Variants in CRYBG3 observed in about 807,000 individuals in gnomAD.
The protein encoded by CRYBG3 is very large A-kinase anchor protein.
Under a neutral mutation model 244.2 loss-of-function variants are expected in CRYBG3, and 127 were observed. The ratio of observed to expected loss-of-function variants is 0.52; its 90% CI spans 0.45 to 0.60. The LOEUF (loss-of-function observed/expected upper bound fraction) is 0.60. Ranked by LOEUF, CRYBG3 falls within the 20% of genes least tolerant of loss-of-function variation. The pLI, the probability that CRYBG3 is intolerant of heterozygous loss-of-function variation, is 0.00. For synonymous variants in CRYBG3, 1,132 were observed against 1,195.8 expected (o/e 0.95, Z 1.10); for missense variants, 3,325 against 3,442.5 (o/e 0.97, Z 0.85).
intron 12 of CRYBG3, among the ~76,000 whole-genome samples, chr3:97,897,739 A>G (rs1193935311): frequency 6.6e-6 from 1 of 152,196 alleles, no homozygotes; most frequent in Non-Finnish European, 1.5e-5. Flanking sequence ...ATTTTTGCAT[A>G]CAAGTTTCTC....
chr3:97,854,268 GTTTTT>G (rs985979275), intron 2 of CRYBG3, among the ~76,000 whole-genome samples: 1 of 151,910 alleles, frequency 6.6e-6, no homozygotes, highest in African/African-American at 2.4e-5. Flanking sequence ...CTCCAGATTT[GTTTTT>G]TTGTTGTTGT....
chr3:97,841,674 A>G (rs1030676900), intron 1 of CRYBG3, among the ~76,000 whole-genome samples: 3 of 151,980 alleles, frequency 2.0e-5, no homozygotes, highest in African/African-American at 7.2e-5. Context: ...GCCTTCCACC[A>G]CCAGTGACCA....
chr3:97,893,002 CAT>C lies in CRYBG3; in HGVS notation c.7574+12_7574+13del. Reference sequence around the variant, plus strand: ...CGTGTCATTGGTGGAGTGTGAGTATCATATTTTTAACATTTGCACAAGTAGTC... The same window carrying C: ...CGTGTCATTGGTGGAGTGTGAGTATCATTTTTAACATTTGCACAAGTAGTC... On this transcript the variant is annotated intron_variant, in intron 11 of 21. Coordinates refer to ENST00000389622, the MANE Select transcript of CRYBG3 (RefSeq NM_153605.4). The C allele has an allele frequency of 6.3e-7, 1 of 1,588,122 alleles. No individual in the cohort carries two copies. Among genetic ancestry groups the C allele is most frequent in the Non-Finnish European group, 8.5e-7 (1 of 1,171,516 alleles).
chr3:97,886,562 C>T, intron 7 of CRYBG3, 69 bp from the exon 8 acceptor site: 2 of 1,292,502 alleles, frequency 1.5e-6, no homozygotes, highest in South Asian at 1.6e-5. Flanking sequence ...ACTGTATGTC[C>T]AGGACATTGA....
chr3:97,910,809 G>T (rs1221771365), intron 15 of CRYBG3, among the ~76,000 whole-genome samples: 2 of 152,236 alleles, frequency 1.3e-5, no homozygotes, highest in Non-Finnish European at 2.9e-5. Flanking sequence ...CTATGCAGGA[G>T]AAATGTCTCT....
At chr3:97,937,187 A>C (rs1425687384) in intron 19 of CRYBG3, among the ~76,000 whole-genome samples, 1 of 152,116 alleles carries the variant, frequency 6.6e-6, no homozygotes, top group East Asian at 1.9e-4. Context: ...CCTTGGTAAC[A>C]GGAATGAACT....
chr3:97,861,119 C>T (rs1576527342), intron 2 of CRYBG3, among the ~76,000 whole-genome samples: 1 of 152,252 alleles, frequency 6.6e-6, no homozygotes, highest in East Asian at 1.9e-4. Context: ...TCACCCACCA[C>T]TTCTAACTGG....
intron 17 of CRYBG3, among the ~76,000 whole-genome samples, chr3:97,928,513 T>A (rs1364593266): frequency 6.6e-6 from 1 of 151,876 alleles, no homozygotes; most frequent in East Asian, 1.9e-4. Context: ...GACATGCAAT[T>A]TATCCATGTA....
At chr3:97,879,962 T>TA in intron 5 of CRYBG3, 23 bp from the exon 6 acceptor site, 1 of 1,180,186 alleles carries the variant, frequency 8.5e-7, no homozygotes, top group Non-Finnish European at 1.3e-6. Context: ...TGTAACTACT[T>TA]ACTGCTATTT....
chr3:97,893,442 G>A (rs1043898097), intron 11 of CRYBG3, among the ~76,000 whole-genome samples: 3 of 152,144 alleles, frequency 2.0e-5, no homozygotes, highest in Admixed American at 2.0e-4. Flanking sequence ...GTTGCCCTCC[G>A]GGCTCTGAAC....
intron 17 of CRYBG3, among the ~76,000 whole-genome samples, chr3:97,928,015 G>C (rs938573063): frequency 6.6e-6 from 1 of 151,890 alleles, no homozygotes; most frequent in Non-Finnish European, 1.5e-5. Flanking sequence ...AAAGAATGTA[G>C]AACTACCATT....
chr3:97,888,676 A>T (rs1299987069), intron 9 of CRYBG3, among the ~76,000 whole-genome samples: 2 of 152,226 alleles, frequency 1.3e-5, no homozygotes, highest in Non-Finnish European at 2.9e-5. Context: ...TGGCTATGTG[A>T]TAAACCATTT....
chr3:97,894,994 G>A (rs1182382069), intron 11 of CRYBG3, among the ~76,000 whole-genome samples: 1 of 152,062 alleles, frequency 6.6e-6, no homozygotes, highest in Non-Finnish European at 1.5e-5. Flanking sequence ...ACAATTATTT[G>A]GAATACTTTC....
intron 3 of CRYBG3, among the ~76,000 whole-genome samples, chr3:97,867,617 A>G (rs901219969): frequency 6.6e-6 from 1 of 152,208 alleles, no homozygotes; most frequent in Non-Finnish European, 1.5e-5. Context: ...ATGTATGCCT[A>G]CTTCCTTAAA....
At chr3:97,899,432 T>C (rs1468313461) in intron 14 of CRYBG3, among the ~76,000 whole-genome samples, 169 bp downstream of exon 14, 1 of 152,224 alleles carries the variant, frequency 6.6e-6, no homozygotes, top group Non-Finnish European at 1.5e-5. Flanking sequence ...GTAGTAGATA[T>C]TAACACATGA....
At chr3:97,835,526 AGAG>A (rs1268296491) in intron 1 of CRYBG3, among the ~76,000 whole-genome samples, 2 of 152,258 alleles carry the variant, frequency 1.3e-5, no homozygotes, top group African/African-American at 4.8e-5. Context: ...ACACAGAATT[AGAG>A]GAGGAGTGGG....
chr3:97,881,320 G>C, intron 7 of CRYBG3, 101 bp downstream of exon 7: 1 of 747,402 alleles, frequency 1.3e-6, no homozygotes, highest in East Asian at 3.1e-5. Flanking sequence ...GCTAATTTTT[G>C]TGCTGTTATT....
At chr3:97,890,989 A>G (rs368914346) in intron 10 of CRYBG3, among the ~76,000 whole-genome samples, 77 of 152,294 alleles carry the variant, frequency 5.1e-4, no homozygotes, top group African/African-American at 1.7e-3. Context: ...CAAATATCCA[A>G]TCTTTAGAAA....
Position 97,876,321 on chromosome 3 carries a change from C to T in CRYBG3, c.5127C>T (p.Pro1709=), listed in dbSNP as rs561828738. ...EGISEKAEVI[P]VTLAMENTYQ... ...TTAGTGAAAAGGCTGAAGTGATACCCGTTACATTAGCAATGGAAAATACTT... is the reference window on the plus strand; with the variant it reads ...TTAGTGAAAAGGCTGAAGTGATACCTGTTACATTAGCAATGGAAAATACTT... Residue 1709 remains proline (P), a synonymous_variant, in exon 4 of 22, where the codon CCC becomes CCT. Coordinates refer to ENST00000389622, the MANE Select transcript of CRYBG3 (RefSeq NM_153605.4). The T allele has an allele frequency of 4.0e-5, 49 of 1,231,516 alleles. No individual in the cohort carries two copies. Among genetic ancestry groups the T allele is most frequent in the African/African-American group, 9.3e-5 (6 of 64,304 alleles). 76.3% of individuals were successfully genotyped at this position (1,231,516 alleles called of 1,614,324 possible).
Sources: allele counts gnomAD v4.1 joint callset (sites outside exome capture counted in the v4.1 genomes callset), GRCh38; gene constraint gnomAD v4.1.1; transcripts MANE v1.5; gene names NCBI Gene and HGNC (gene_info 2026-07-23, HGNC 2026-07-21).